Variants in ANOS1 observed in about 807,000 individuals in gnomAD.
ANOS1 encodes the protein anosmin-1.
In ANOS1, 6 loss-of-function variants were observed where a neutral mutation model predicts 59.0. The ratio of observed to expected loss-of-function variants is 0.10; its 90% CI spans 0.06 to 0.20. The LOEUF (loss-of-function observed/expected upper bound fraction) is 0.20, where lower values mean the gene tolerates loss of function less well. ANOS1 is among the 10% of genes least tolerant of loss of function. ANOS1 has a pLI of 1.00. For missense variants in ANOS1, 433 were observed against 542.3 expected, an observed-to-expected ratio of 0.80 and a Z score of 2.00; for synonymous variants, 217 against 223.4, an observed-to-expected ratio of 0.97 and a Z score of 0.25.
At chrX:8,624,805 T>C (rs981910768) in intron 2 of ANOS1, among the ~76,000 whole-genome samples, 1 of 110,261 alleles carries the variant, frequency 9.1e-6, no homozygotes, top group African/African-American at 3.3e-5. Flanking sequence ...ACACATGATA[T>C]ATAAAATATA....
At chrX:8,608,701 G>C (rs1464042877) in intron 3 of ANOS1, among the ~76,000 whole-genome samples, 1 of 111,899 alleles carries the variant, frequency 8.9e-6, no homozygotes, top group Non-Finnish European at 1.9e-5. Context: ...TGTCAAAGAA[G>C]AGACCAGGTG....
intron 3 of ANOS1, among the ~76,000 whole-genome samples, chrX:8,615,580 T>C (rs1279128270): frequency 1.9e-5 from 2 of 106,890 alleles, no homozygotes; most frequent in East Asian, 5.9e-4. Flanking sequence ...GAAAAGAAAA[T>C]TGTCTATGTG....
At chrX:8,688,503 A>G (rs1457133183) in intron 2 of ANOS1, among the ~76,000 whole-genome samples, 3 of 112,562 alleles carry the variant, frequency 2.7e-5, no homozygotes, top group Admixed American at 1.9e-4. Context: ...ACTCGTCTTC[A>G]ACTGTGAACC....
Position 8,684,860 on chromosome X carries a change from C to T in ANOS1, c.255+14838G>A, listed in dbSNP as rs140490510. ...CAAAAGACCCACCTTCCTCAGCAAGCGGAAGCCAGAGGAGCTGCGTCCCCA... is the reference window on the plus strand; with the variant it reads ...CAAAAGACCCACCTTCCTCAGCAAGTGGAAGCCAGAGGAGCTGCGTCCCCA... On this transcript the variant is annotated intron_variant, in intron 2 of 13. Transcript: ENST00000262648. Among the ~76,000 whole-genome samples, 257 of 110,807 alleles carry T rather than the reference C, an allele frequency of 2.3e-3. 1 individual carries two copies. Among genetic ancestry groups the T allele is most frequent in the African/African-American group, 7.7e-3 (234 of 30,493 alleles).
intron 1 of ANOS1, among the ~76,000 whole-genome samples, chrX:8,720,890 C>T (rs1932870824): frequency 8.9e-6 from 1 of 111,891 alleles, no homozygotes; most frequent in Admixed American, 9.5e-5. Flanking sequence ...CATGGCACTA[C>T]ACTCTAGTCT....
At chrX:8,663,789 T>C (rs896303166) in intron 2 of ANOS1, among the ~76,000 whole-genome samples, 3 of 112,009 alleles carry the variant, frequency 2.7e-5, no homozygotes, top group African/African-American at 9.7e-5. Context: ...CTAATAAAAT[T>C]ATTACATTAC....
intron 6 of ANOS1, among the ~76,000 whole-genome samples, chrX:8,582,339 T>G (rs1437959361): frequency 1.8e-5 from 2 of 112,223 alleles, no homozygotes; most frequent in East Asian, 2.8e-4. Flanking sequence ...CTTTCAACAA[T>G]CTGAAGGAAG....
chrX:8,574,174 C>T (rs1229179334), intron 6 of ANOS1, among the ~76,000 whole-genome samples: 2 of 110,279 alleles, frequency 1.8e-5, no homozygotes, highest in South Asian at 3.9e-4. Context: ...AGAGGAAAAC[C>T]GCGATGCTAC....
chrX:8,728,167 A>G (rs972546328), intron 1 of ANOS1, among the ~76,000 whole-genome samples: 1 of 112,194 alleles, frequency 8.9e-6, no homozygotes, highest in African/African-American at 3.2e-5. Context: ...CAAAAGCTAG[A>G]AGCCATCCTC....
chrX:8,671,502 T>C (rs1481804896), intron 2 of ANOS1, among the ~76,000 whole-genome samples: 1 of 110,430 alleles, frequency 9.1e-6, no homozygotes, highest in Non-Finnish European at 1.9e-5. Flanking sequence ...TCTATATCTG[T>C]ATGAGTAGTA....
chrX:8,534,385 C>T lies in ANOS1; in HGVS notation c.1918G>A (p.Gly640Arg). 8.3e-7 allele frequency: 1 copy of T among 1,210,407 alleles called. No homozygotes were observed. Among genetic ancestry groups the T allele is most frequent in the African/African-American group, 1.7e-5 (1 of 57,715 alleles). Residue 640 changes from glycine to arginine, a missense_variant, in exon 13 of 14, where the codon GGA (glycine) becomes AGA (arginine). Physicochemically the swap from Gly to Arg is moderately radical, Grantham distance 125 (BLOSUM62 -2). Transcript: ENST00000262648. ...TTGATGGTGGCCGGCCCCTCCCCTC[C>T]TGGGGTCAGCACTTGCACTTCCAGT... ...YRLEVQVLTP[G>R]GEGPATIKTF...
At position 8,731,822 on chromosome X, in the gene ANOS1, C is replaced by T. The variant is rs746322411; in HGVS notation, c.207+8G>A. On this transcript the variant is annotated splice_region_variant and intron_variant, in intron 1 of 13. Coordinates refer to ENST00000262648, the MANE Select transcript of ANOS1 (RefSeq NM_000216.4). ...CCAGAAAGAACCCGGGCGGGGGCCT[C>T]CCCGTACCTGGAAGTGCTGGAAGAA... The T allele has an allele frequency of 4.2e-6, 5 of 1,185,483 alleles. No homozygotes were observed. The highest frequency in any genetic ancestry group is 5.7e-6 in the Non-Finnish European group (5 of 883,490).
chrX:8,566,103 T>C (rs751805502), intron 8 of ANOS1: 5 of 752,910 alleles, frequency 6.6e-6, no homozygotes, highest in East Asian at 1.5e-4. Context: ...GTCCATTCCT[T>C]GTGGGCCTGC....
chrX:8,570,100 A>G (rs1443452487), intron 7 of ANOS1, among the ~76,000 whole-genome samples: 1 of 107,568 alleles, frequency 9.3e-6, no homozygotes, highest in African/African-American at 3.4e-5. Flanking sequence ...CAGAAAAGCC[A>G]TGAACATCCA....
chrX:8,642,767 C>T (rs1352954372), intron 2 of ANOS1, among the ~76,000 whole-genome samples: 1 of 111,205 alleles, frequency 9.0e-6, no homozygotes, highest in Non-Finnish European at 1.9e-5. Context: ...CCTCCCCTCT[C>T]CCACACTCCA....
rs1363995705 is a variant in ANOS1 at position 8,529,375 on chromosome X, A to G, written c.*3620T>C. ...AAACTTTAAAGTACATGCAACAGAT[A>G]TTTAGCCATTGTGTTCTGCCTATAA... On this transcript the variant is annotated 3_prime_UTR_variant, in exon 14 of 14. Coordinates refer to ENST00000262648, the MANE Select transcript of ANOS1 (RefSeq NM_000216.4). The G allele has an allele frequency of 1.8e-5, 2 of 112,213 alleles. No homozygotes were observed. The highest frequency in any genetic ancestry group is 3.8e-5 in the Non-Finnish European group (2 of 53,301). 9.2% of individuals were successfully genotyped at this position (112,213 alleles called of 1,213,427 possible).
intron 1 of ANOS1, among the ~76,000 whole-genome samples, chrX:8,722,754 A>G (rs750384145): frequency 5.3e-5 from 6 of 112,429 alleles, no homozygotes; most frequent in Non-Finnish European, 9.4e-5. Context: ...GCTGGATCAA[A>G]TGGTAGTTCT....
At chrX:8,650,468 A>T (rs1207060744) in intron 2 of ANOS1, among the ~76,000 whole-genome samples, 3 of 112,389 alleles carry the variant, frequency 2.7e-5, no homozygotes, top group Non-Finnish European at 3.8e-5. Flanking sequence ...TCTGAAAAAG[A>T]TAAACAGGCT....
At chrX:8,578,294 T>C (rs1265245738) in intron 6 of ANOS1, among the ~76,000 whole-genome samples, 1 of 101,495 alleles carries the variant, frequency 9.9e-6, no homozygotes, top group Non-Finnish European at 2.0e-5. Context: ...GACTTGGCAG[T>C]TGGGGTAGTG....
Sources: gnomAD v4.1 joint callset for allele counts (sites outside exome capture counted in the v4.1 genomes callset) on GRCh38, gnomAD v4.1.1 for gene constraint, MANE v1.5 for transcripts, NCBI Gene and HGNC (gene_info 2026-07-23, HGNC 2026-07-21) for gene names.